The following FBXL19 variants were observed in gnomAD, a reference collection of about 807,000 sequenced individuals.
FBXL19 encodes F-box and leucine rich repeat protein 19.
FBXL19 carries 16 observed loss-of-function variants against 71.2 expected under a neutral mutation model. The ratio of observed to expected loss-of-function variants is 0.22; its 90% confidence interval spans 0.15 to 0.34. The LOEUF (loss-of-function observed/expected upper bound fraction) is 0.34. FBXL19 is among the 10% of genes least tolerant of loss of function. FBXL19 has a pLI of 1.00. For synonymous variants in FBXL19, 447 were observed against 409.4 expected, an observed-to-expected ratio of 1.09 and a Z score of -1.11; for missense variants, 658 against 968.2, an observed-to-expected ratio of 0.68 and a Z score of 4.25.
At chr16:30,922,868 C>A, upstream of FBXL19, 1 of 357,518 alleles carries the variant, frequency 2.8e-6, no homozygotes, top group Admixed American at 3.4e-5. Flanking sequence ...AGACCACAGG[C>A]GGGCGAGGTG....
chr16:30,930,457 G>T lies in FBXL19; in HGVS notation c.1174G>T (p.Asp392Tyr). The change falls in exon 7 of 11, where the codon GAC (aspartate) becomes TAC (tyrosine). Residue 392 changes from aspartate to tyrosine, a missense_variant. Transcript: ENST00000338343. The surrounding 1 kb of genome is among the most constrained non-coding windows in gnomAD (Gnocchi z 8.5). ...GCCCCCGCCTCGAAGCCCTGAGCCC[G>T]ACACACTCCCCTTGGCTGCTGGATC... ...VRPPPRSPEP[D>Y]TLPLAAGSDH... The T allele has an allele frequency of 6.5e-7, 1 of 1,535,200 alleles. No homozygotes were observed. The highest frequency in any genetic ancestry group is 2.5e-5 in the East Asian group (1 of 40,710).
In FBXL19 at chr16:30,948,220, A is replaced by G. The variant is rs1364461375; in HGVS notation, c.*990A>G. On this transcript the variant is annotated 3_prime_UTR_variant, in exon 11 of 11. Transcript: ENST00000338343. ...GCATTATGGCTGGGGGCGCCAGCCC[A>G]AGAATGGGGACCATGGGACTCCTCC... is the stretch of plus-strand genomic sequence containing the variant. 1 of 159,570 alleles carries G rather than the reference A, an allele frequency of 6.3e-6. No individual in the cohort carries two copies. Among genetic ancestry groups the G allele is most frequent in the Non-Finnish European group, 1.4e-5 (1 of 72,202 alleles). The allele number at this position is 159,570 out of a possible 1,614,324, so 9.9% of individuals were successfully genotyped here.
At chr16:30,944,488 G>C (rs1264566619) in intron 9 of FBXL19, among the ~76,000 whole-genome samples, 2 of 152,036 alleles carry the variant, frequency 1.3e-5, no homozygotes, top group Non-Finnish European at 2.9e-5. Context: ...ATGGCCTCCA[G>C]CTCCTTCCAT....
chr16:30,927,489 G>A (rs1400997639), intron 3 of FBXL19, 38 bp downstream of exon 3: 1 of 1,571,606 alleles, frequency 6.4e-7, no homozygotes, highest in Admixed American at 1.9e-5. Context: ...GGGTGGGGCA[G>A]ATTGTCAGGG....
intron 7 of FBXL19, among the ~76,000 whole-genome samples, chr16:30,936,977 G>A (rs967260097): frequency 6.6e-5 from 10 of 150,640 alleles, no homozygotes; most frequent in East Asian, 2.0e-4. Flanking sequence ...TCCTGACCTC[G>A]TGATCCGCCC....
At position 30,942,176 on chromosome 16, in the gene FBXL19, G is replaced by T. The variant is rs370790913; in HGVS notation, c.1362G>T (p.Pro454=). Reference sequence around the variant, plus strand: ...TGAGCCGGCGGAAGTCACTGACCCCGCCCATGCTCAGTGGTGTGGTTCGCC... The same window carrying T: ...TGAGCCGGCGGAAGTCACTGACCCCTCCCATGCTCAGTGGTGTGGTTCGCC... The part of the protein sequence containing the change: ...MDLSRRKSLT[P]PMLSGVVRRQ... The change falls in exon 8 of 11, where the codon CCG becomes CCT. Residue 454 remains proline, a synonymous_variant. Transcript: ENST00000338343. The surrounding 1 kb of genome is among the most constrained non-coding windows in gnomAD (Gnocchi z 5.7). The T allele has an allele frequency of 6.3e-7, 1 of 1,596,974 alleles. No individual in the cohort carries two copies. The highest frequency in any genetic ancestry group is 1.3e-5 in the African/African-American group (1 of 74,624).
At chr16:30,932,522 T>G (rs1235313327) in intron 7 of FBXL19, among the ~76,000 whole-genome samples, 1 of 152,234 alleles carries the variant, frequency 6.6e-6, no homozygotes, top group Non-Finnish European at 1.5e-5. Flanking sequence ...GTGTGGGCCC[T>G]GGACTCTGCA....
At chr16:30,936,744 C>T (rs2055741183) in intron 7 of FBXL19, among the ~76,000 whole-genome samples, 3 of 144,570 alleles carry the variant, frequency 2.1e-5, no homozygotes, top group African/African-American at 5.2e-5. Context: ...GCGCGCCCGA[C>T]CTTTTTTTTT....
intron 2 of FBXL19, among the ~76,000 whole-genome samples, chr16:30,926,535 G>T (rs1040592771): frequency 2.6e-5 from 4 of 152,072 alleles, no homozygotes; most frequent in Non-Finnish European, 5.9e-5. Flanking sequence ...CTGGGCTCCA[G>T]AGCACGGCCC....
At chr16:30,923,376 G>A (rs1421078179), upstream of FBXL19, 1 of 376,194 alleles carries the variant, frequency 2.7e-6, no homozygotes, top group Non-Finnish European at 5.4e-6. Context: ...TGTCCCCAGC[G>A]TCCTATTGTT....
At chr16:30,923,156 C>T (rs1351829640), upstream of FBXL19, 1 of 456,702 alleles carries the variant, frequency 2.2e-6, no homozygotes, top group South Asian at 1.5e-5. Context: ...CCGTCAGGTA[C>T]CACACACGCG....
At chr16:30,923,085 C>T (rs1322803262), upstream of FBXL19, 14 of 456,690 alleles carry the variant, frequency 3.1e-5, no homozygotes, top group East Asian at 2.1e-4. Flanking sequence ...TCCTTTTCAC[C>T]TTTCCATTGT....
intron 7 of FBXL19, among the ~76,000 whole-genome samples, chr16:30,932,123 A>G (rs2143336356): frequency 6.6e-6 from 1 of 152,278 alleles, no homozygotes; most frequent in Non-Finnish European, 1.5e-5. Flanking sequence ...CAGATAATCA[A>G]CGCTCTTGCA....
At chr16:30,923,261 C>T (rs1437480452), upstream of FBXL19, 4 of 450,000 alleles carry the variant, frequency 8.9e-6, no homozygotes, top group Admixed American at 4.7e-5. Context: ...CCCTCTCCTT[C>T]TCGATGTTCT....
rs777988743 is a variant in FBXL19 at position 30,928,645 on chromosome 16, C to T, written c.789+17C>T. The T allele has an allele frequency of 2.0e-6, 3 of 1,523,130 alleles. No homozygotes were observed. The highest frequency in any genetic ancestry group is 2.8e-5 in the African/African-American group (2 of 71,166). 94.4% of individuals were successfully genotyped at this position (1,523,130 alleles called of 1,614,324 possible). A position where few individuals can be genotyped will look rare whatever the true frequency, so the allele number is the denominator to read the frequency against. ...AACTGGGAGGTGTGCCGGGGACCTCCTCCCTCCCCTTCCCACCTTCCCTTG... is the reference window on the plus strand; with the variant it reads ...AACTGGGAGGTGTGCCGGGGACCTCTTCCCTCCCCTTCCCACCTTCCCTTG... On this transcript the variant is annotated intron_variant, in intron 6 of 10. Coordinates refer to ENST00000338343, the MANE Select transcript of FBXL19 (RefSeq NM_001382779.1).
At chr16:30,927,541 CA>C (rs1179821408) in intron 3 of FBXL19, 31 bp from the exon 4 acceptor site, 1 of 1,554,696 alleles carries the variant, frequency 6.4e-7, no homozygotes. Flanking sequence ...GCTTCCTGGC[CA>C]ACCCCCCACT....
At position 30,927,162 on chromosome 16, in the gene FBXL19, T is replaced by C. The variant is rs2055601724; in HGVS notation, c.178-146T>C. The C allele has an allele frequency of 1.1e-5, 8 of 760,234 alleles. No homozygotes were observed. In the East Asian group the frequency reaches 2.0e-4, roughly 19 times the overall value. The allele number at this position is 760,234 out of a possible 1,614,324, so 47.1% of individuals were successfully genotyped here. On this transcript the variant is annotated intron_variant, in intron 2 of 10. Coordinates refer to ENST00000338343, the MANE Select transcript of FBXL19 (RefSeq NM_001382779.1). ...TTAAATCAGTTGCTTGAGGTCACAC[T>C]CCCAAAAGGAGCAAACTCAGGATCA...
At chr16:30,924,626 C>T (rs966501973) in intron 1 of FBXL19, 167 bp downstream of exon 1, 69 of 1,376,736 alleles carry the variant, frequency 5.0e-5, no homozygotes, top group Non-Finnish European at 6.2e-5. Context: ...GGGGAACTGG[C>T]CCTCCTTCCT....
chr16:30,942,097 T>TC lies in FBXL19; in HGVS notation c.1302-13dup, dbSNP rs766566047. 7.8e-6 allele frequency: 12 copies of TC among 1,543,398 alleles called. No homozygotes were observed. The East Asian group carries it at 2.8e-4, about 36-fold the overall frequency. On this transcript the variant is annotated intron_variant, in intron 7 of 10. Transcript: ENST00000338343. This position sits in a 1 kb window ranked among gnomAD's most constrained non-coding sequence, Gnocchi z 5.7. Reference sequence around the variant, plus strand: ...AGAGCTGAGGGCTGAGGTCTCTGTCTCCCCCCTATGGCCGCCAGGTGCTAT... The same window carrying TC: ...AGAGCTGAGGGCTGAGGTCTCTGTCTCCCCCCCTATGGCCGCCAGGTGCTAT...
Sources: allele counts gnomAD v4.1 joint callset (sites outside exome capture counted in the v4.1 genomes callset), GRCh38; gene constraint gnomAD v4.1.1; non-coding constraint Gnocchi (gnomAD v3.1); transcripts MANE v1.5; gene names NCBI Gene and HGNC (gene_info 2026-07-23, HGNC 2026-07-21).